The following CYFIP1 variants were observed in gnomAD, a reference collection of about 807,000 sequenced individuals.
CYFIP1 encodes cytoplasmic FMR1 interacting protein 1, also known as cytoplasmic FMR1-interacting protein 1.
A neutral mutation model predicts 163.5 loss-of-function variants in CYFIP1; 58 were observed. The observed-to-expected ratio is 0.35, with a 90% CI of 0.29 to 0.44. The LOEUF is 0.44. Among genes scored for constraint, CYFIP1 ranks in the 20% least tolerant of loss-of-function variants. The pLI is 1.00. For missense variants in CYFIP1, 1,338 were observed against 1,653.8 expected (o/e 0.81, Z 3.31); for synonymous variants, 663 against 660.7 (o/e 1.00, Z -0.05).
intron 10 of CYFIP1, among the ~76,000 whole-genome samples, chr15:22,933,319 CTTT>C (rs556709449): frequency 6.9e-6 from 1 of 144,866 alleles, no homozygotes; most frequent in Non-Finnish European, 1.5e-5. Context: ...ATTTTTCTTT[CTTT>C]TTTTTTTTTT....
intron 1 of CYFIP1, among the ~76,000 whole-genome samples, chr15:22,976,346 C>CG (rs2063278839): frequency 3.3e-5 from 5 of 152,076 alleles, no homozygotes; most frequent in Non-Finnish European, 5.9e-5. Context: ...TTAGTAGAGA[C>CG]AGGGTTTCAC....
intron 9 of CYFIP1, among the ~76,000 whole-genome samples, chr15:22,934,235 G>A (rs1382724663): frequency 1.7e-5 from 2 of 119,512 alleles, no homozygotes; most frequent in Admixed American, 1.1e-4. Flanking sequence ...CGCCCAGGCT[G>A]GAGTGCAGTG....
intron 22 of CYFIP1, among the ~76,000 whole-genome samples, chr15:22,902,991 G>A (rs1385320688): frequency 6.6e-6 from 1 of 152,200 alleles, no homozygotes; most frequent in Admixed American, 6.5e-5. Flanking sequence ...GGGACGCGGA[G>A]ATCAGAGGCA....
Position 22,926,029 on chromosome 15 carries a change from C to T in CYFIP1, c.1312G>A (p.Ala438Thr), listed in dbSNP as rs373889465. The T allele has an allele frequency of 1.2e-6, 2 of 1,614,164 alleles. No homozygotes were observed. The highest frequency in any genetic ancestry group is 2.2e-5 in the East Asian group (1 of 44,894). Reference protein sequence around the residue: ...CPDSAEEYERATRYNYTSEEK... With the variant: ...CPDSAEEYERTTRYNYTSEEK... ...TCGCTGGTGTAGTTGTAGCGCGTGG[C>T]ACGCTCGTACTCTTCAGCGCTGTCG... Residue 438 changes from alanine to threonine, a missense_variant, in exon 13 of 31, where the codon GCC (alanine) becomes ACC (threonine). Coordinates refer to ENST00000617928, the MANE Select transcript of CYFIP1 (RefSeq NM_014608.6).
chr15:22,902,269 G>A lies in CYFIP1; in HGVS notation c.2588+1437C>T, dbSNP rs143421684. ...CTGAGCAGCTGCACGCATGGCACTG[G>A]GTGCACCGTGCTGATCTGCACACAG... is the stretch of plus-strand genomic sequence containing the variant. On this transcript the variant is annotated intron_variant, in intron 22 of 30. Coordinates refer to ENST00000617928, the MANE Select transcript of CYFIP1 (RefSeq NM_014608.6). Among the ~76,000 whole-genome samples the A allele has an allele frequency of 1.9e-4, 29 of 152,220 alleles. 2 individuals carry two copies. Among genetic ancestry groups the A allele is most frequent in the Admixed American group, 1.4e-3 (21 of 15,290 alleles).
chr15:22,937,514 C>A (rs1184279794), intron 8 of CYFIP1, among the ~76,000 whole-genome samples: 1 of 151,928 alleles, frequency 6.6e-6, no homozygotes, highest in Non-Finnish European at 1.5e-5. Flanking sequence ...AAAGTAATTG[C>A]GTTTTTTTTG....
At chr15:22,954,529 C>G (rs1456658124) in intron 1 of CYFIP1, among the ~76,000 whole-genome samples, 1 of 152,230 alleles carries the variant, frequency 6.6e-6, no homozygotes. Flanking sequence ...AGCTCGGTCA[C>G]AAGGCGCTAC....
chr15:22,889,604 G>A lies in CYFIP1; in HGVS notation c.2676+3286C>T, dbSNP rs950037307. Among the ~76,000 whole-genome samples, 43 of 152,152 alleles carry A rather than the reference G, an allele frequency of 2.8e-4. 1 individual carries two copies. The highest frequency in any genetic ancestry group is 9.7e-4 in the African/African-American group (40 of 41,428). On this transcript the variant is annotated intron_variant, in intron 23 of 30. Coordinates refer to ENST00000617928, the MANE Select transcript of CYFIP1 (RefSeq NM_014608.6). Reference sequence around the variant, plus strand: ...CGATCCATCAGAACCGCAGGTGCACGGCCCCACGCAGTCGGGTCGCCTGCC... The same window carrying A: ...CGATCCATCAGAACCGCAGGTGCACAGCCCCACGCAGTCGGGTCGCCTGCC...
rs1164001142 is a variant in CYFIP1 at position 22,867,154 on chromosome 15, T to A, written c.*2874A>T. On this transcript the variant is annotated 3_prime_UTR_variant, in exon 31 of 31. Coordinates refer to ENST00000617928, the MANE Select transcript of CYFIP1 (RefSeq NM_014608.6). ...GTTTTAAGTCTATGAAAATGCTTTA[T>A]TTTTTCATTGGTGATGAAAGTCTGA... 4 of 447,362 alleles carry A rather than the reference T, an allele frequency of 8.9e-6. No homozygotes were observed. Among genetic ancestry groups the A allele is most frequent in the Admixed American group, 3.9e-5 (1 of 25,922 alleles). 27.7% of individuals were successfully genotyped at this position (447,362 alleles called of 1,614,324 possible). A position where few individuals can be genotyped will look rare whatever the true frequency, so the allele number is the denominator to read the frequency against.
At chr15:22,892,265 T>C (rs2060105038) in intron 23 of CYFIP1, among the ~76,000 whole-genome samples, 1 of 152,232 alleles carries the variant, frequency 6.6e-6, no homozygotes, top group Non-Finnish European at 1.5e-5. Context: ...TATATTTTCC[T>C]TACTAAATCA....
chr15:22,941,313 C>T (rs988651125), intron 6 of CYFIP1, among the ~76,000 whole-genome samples: 6 of 152,084 alleles, frequency 3.9e-5, no homozygotes, highest in Non-Finnish European at 8.8e-5. Context: ...CCTTCTGCCT[C>T]AGCCTCTCAA....
intron 24 of CYFIP1, 108 bp from the exon 25 acceptor site, chr15:22,882,044 C>T (rs988711672): frequency 1.2e-5 from 11 of 897,488 alleles, no homozygotes; most frequent in East Asian, 5.3e-5. Context: ...GCTCGGTAAC[C>T]AGCAAGGCTG....
intron 1 of CYFIP1, among the ~76,000 whole-genome samples, chr15:22,973,863 A>C (rs2063181121): frequency 6.6e-6 from 1 of 152,220 alleles, no homozygotes; most frequent in Admixed American, 6.5e-5. Context: ...TCAATTGTAA[A>C]AGATCTGAAT....
At position 22,910,598 on chromosome 15, in the gene CYFIP1, T is replaced by C. The variant is rs1169912191; in HGVS notation, c.2190A>G (p.Glu730=). 2.5e-6 allele frequency: 4 copies of C among 1,614,096 alleles called. No homozygotes were observed. In the African/African-American group the frequency reaches 4.0e-5, roughly 16 times the overall value. Reference sequence around the variant, plus strand: ...GGATCGTGGCTCCCTGATTCTTGCATTCTGATCGTAACCGTTTATCAAGAA... The same window carrying C: ...GGATCGTGGCTCCCTGATTCTTGCACTCTGATCGTAACCGTTTATCAAGAA... ...SLLLDKRLRS[E]CKNQGATIHL... is the part of the protein sequence containing the mutation. The change falls in exon 20 of 31, where the codon GAA becomes GAG. Residue 730 remains glutamate (E), a synonymous_variant. Coordinates refer to ENST00000617928, the MANE Select transcript of CYFIP1 (RefSeq NM_014608.6).
At position 22,873,643 on chromosome 15, in the gene CYFIP1, C is replaced by T. The variant is rs1429755438; in HGVS notation, c.3297G>A (p.Arg1099=). The T allele has an allele frequency of 3.1e-6, 5 of 1,614,244 alleles. No homozygotes were observed. Among genetic ancestry groups the T allele is most frequent in the South Asian group, 1.1e-5 (1 of 91,090 alleles). Reference sequence around the variant, plus strand: ...TGGGGTCATCCAGAAAGCTCCGGATCCGTGTCAGGATGACCTCAAACATGG... The same window carrying T: ...TGGGGTCATCCAGAAAGCTCCGGATTCGTGTCAGGATGACCTCAAACATGG... ...GLSMFEVILT[R]IRSFLDDPIW... Residue 1099 remains arginine, a synonymous_variant, in exon 29 of 31, where the codon CGG becomes CGA. Coordinates refer to ENST00000617928, the MANE Select transcript of CYFIP1 (RefSeq NM_014608.6).
intron 1 of CYFIP1, among the ~76,000 whole-genome samples, chr15:22,979,496 G>A (rs1233334157): frequency 6.6e-6 from 1 of 152,122 alleles, no homozygotes; most frequent in Non-Finnish European, 1.5e-5. Context: ...GCGACCACGC[G>A]GCGCTGGGCT....
At chr15:22,889,294 G>A (rs1163399409) in intron 23 of CYFIP1, among the ~76,000 whole-genome samples, 1 of 152,198 alleles carries the variant, frequency 6.6e-6, no homozygotes, top group Non-Finnish European at 1.5e-5. Flanking sequence ...CCCTGAGGTG[G>A]TGCCCATGCA....
At chr15:22,976,086 A>G (rs1265241128) in intron 1 of CYFIP1, among the ~76,000 whole-genome samples, 3 of 152,196 alleles carry the variant, frequency 2.0e-5, no homozygotes, top group African/African-American at 7.2e-5. Context: ...CAGATCCTGT[A>G]AGTCTTATTC....
At chr15:22,878,169 G>A (rs745570849) in intron 26 of CYFIP1, among the ~76,000 whole-genome samples, 3 of 152,194 alleles carry the variant, frequency 2.0e-5, no homozygotes, top group African/African-American at 7.2e-5. Flanking sequence ...AAGCCAATAC[G>A]CTTCGCCAGG....
Sources: allele counts gnomAD v4.1 joint callset (sites outside exome capture counted in the v4.1 genomes callset), GRCh38; gene constraint gnomAD v4.1.1; transcripts MANE v1.5; gene names NCBI Gene and HGNC (gene_info 2026-07-23, HGNC 2026-07-21).